TFAP2A: variants seen among roughly 807,000 people sequenced by gnomAD.
TFAP2A encodes transcription factor AP-2 alpha, also known as transcription factor AP-2-alpha.
In TFAP2A, 7 loss-of-function variants were observed where a neutral mutation model predicts 41.5. The observed-to-expected ratio is 0.17, with a 90% CI of 0.10 to 0.32. The LOEUF (loss-of-function observed/expected upper bound fraction) is 0.32, where lower values mean the gene tolerates loss of function less well. Among genes scored for constraint, TFAP2A ranks in the 10% least tolerant of loss-of-function variants. TFAP2A has a pLI of 1.00. For missense variants in TFAP2A, 416 were observed against 563.3 expected (o/e 0.74, Z 2.65); for synonymous variants, 247 against 242.8 (o/e 1.02, Z -0.16).
intron 4 of TFAP2A, among the ~76,000 whole-genome samples, chr6:10,403,363 G>C (rs571248816): frequency 6.4e-4 from 98 of 152,340 alleles, no homozygotes; most frequent in African/African-American, 2.4e-3. Flanking sequence ...ATTGGGGATG[G>C]GGGAAGGGAA....
chr6:10,414,732 A>C (rs1313020399), intron 1 of TFAP2A: 1 of 719,322 alleles, frequency 1.4e-6, no homozygotes, highest in East Asian at 2.7e-5. Flanking sequence ...CGAGCTTCAA[A>C]GTAGGGAAAC....
In TFAP2A at chr6:10,400,595, A is replaced by G. The variant is rs760159014; in HGVS notation, c.890-6T>C. ...GGCTAGGTGGACAGCTTCTCCTGGC[A>G]AGAGGGGAGAGGAGGGAGCCAGTGC... On this transcript the variant is annotated splice_polypyrimidine_tract_variant and splice_region_variant and intron_variant, in intron 5 of 6. Coordinates refer to ENST00000379613, the MANE Select transcript of TFAP2A (RefSeq NM_001372066.1). 26 of 1,614,040 alleles carry G rather than the reference A, an allele frequency of 1.6e-5. No individual in the cohort carries two copies. The highest frequency in any genetic ancestry group is 2.1e-5 in the Non-Finnish European group (25 of 1,180,040).
At chr6:10,401,514 T>C (rs971023531) in intron 5 of TFAP2A, among the ~76,000 whole-genome samples, 1 of 152,340 alleles carries the variant, frequency 6.6e-6, no homozygotes, top group South Asian at 2.1e-4. Flanking sequence ...CCTCCTCAAA[T>C]ATATGGTTTT....
intron 1 of TFAP2A, chr6:10,411,712 AC>A (rs1450090098): frequency 3.2e-6 from 5 of 1,567,744 alleles, no homozygotes; most frequent in Middle Eastern, 4.6e-4. Flanking sequence ...GCCCCGCGCC[AC>A]CCAGGACTCC....
chr6:10,397,795 T>G lies in TFAP2A; in HGVS notation c.*622A>C. 2 of 947,076 alleles carry G rather than the reference T, an allele frequency of 2.1e-6. No homozygotes were observed. The highest frequency in any genetic ancestry group is 2.5e-6 in the Non-Finnish European group (2 of 794,628). 58.7% of individuals were successfully genotyped at this position (947,076 alleles called of 1,614,324 possible). ...ATCGTGTTGCCAGAGAAAGTTCAAG[T>G]TGGTCGCTTTACCTTAAAGAGGAAA... is the stretch of plus-strand genomic sequence containing the variant. On this transcript the variant is annotated 3_prime_UTR_variant, in exon 7 of 7. Transcript: ENST00000379613.
At chr6:10,414,584 C>G in intron 1 of TFAP2A, 1 of 460,840 alleles carries the variant, frequency 2.2e-6, no homozygotes, top group Middle Eastern at 6.2e-4. Context: ...CTTGGGCCCT[C>G]AATCTCGATG....
intron 4 of TFAP2A, 98 bp downstream of exon 4, chr6:10,404,410 G>T: frequency 1.2e-6 from 1 of 824,418 alleles, no homozygotes; most frequent in South Asian, 4.4e-5. Flanking sequence ...GGAGGGCCGC[G>T]GCGCGAGGCC....
At chr6:10,411,980 G>C (rs951312640) in intron 1 of TFAP2A, 2 of 1,087,566 alleles carry the variant, frequency 1.8e-6, no homozygotes, top group African/African-American at 1.7e-5. Context: ...CTTCGCTTGA[G>C]CTTCTAATAA....
chr6:10,418,464 G>A (rs1423442714), upstream of TFAP2A: 1 of 152,302 alleles, frequency 6.6e-6, no homozygotes, highest in South Asian at 2.1e-4. Flanking sequence ...CAGGCCTCTT[G>A]GTTGGGGCGA....
intron 1 of TFAP2A, 28 bp downstream of exon 1, chr6:10,414,912 AC>A: frequency 6.2e-7 from 1 of 1,613,730 alleles, no homozygotes; most frequent in Non-Finnish European, 8.5e-7. Flanking sequence ...CTGTGACCGC[AC>A]GGATGATCGA....
rs1325646732 is a variant in TFAP2A at position 10,410,344 on chromosome 6, G to C, written c.52-9C>G. 2 of 1,606,098 alleles carry C rather than the reference G, an allele frequency of 1.2e-6. No homozygotes were observed. The highest frequency in any genetic ancestry group is 1.7e-5 in the Admixed American group (1 of 58,654). On this transcript the variant is annotated splice_polypyrimidine_tract_variant and intron_variant, in intron 1 of 6. Coordinates refer to ENST00000379613, the MANE Select transcript of TFAP2A (RefSeq NM_001372066.1). Reference sequence around the variant, plus strand: ...GTGCCGTCGTGACGGTCCTAGAAGAGAGCGAGAGGAAAGGTAAAGAACAAG... The same window carrying C: ...GTGCCGTCGTGACGGTCCTAGAAGACAGCGAGAGGAAAGGTAAAGAACAAG...
chr6:10,414,869 G>C, intron 1 of TFAP2A, 72 bp downstream of exon 1: 1 of 1,582,922 alleles, frequency 6.3e-7, no homozygotes, highest in Non-Finnish European at 8.7e-7. Flanking sequence ...GTTGCAAGGA[G>C]AGGAGGAGGA....
chr6:10,400,349 A>G, intron 6 of TFAP2A, 99 bp downstream of exon 6: 1 of 1,490,616 alleles, frequency 6.7e-7, no homozygotes. Flanking sequence ...GCTGATTAAC[A>G]CAAAAGGAAA....
chr6:10,406,859 T>A lies in TFAP2A; in HGVS notation c.487-15A>T, dbSNP rs1229505544. On this transcript the variant is annotated splice_polypyrimidine_tract_variant and intron_variant, in intron 2 of 6. Coordinates refer to ENST00000379613, the MANE Select transcript of TFAP2A (RefSeq NM_001372066.1). ...TCTTCTACATGCTGCAACAAAAGGATACACATGGATGTAAGTGTATCATCA... is the reference window on the plus strand; with the variant it reads ...TCTTCTACATGCTGCAACAAAAGGAAACACATGGATGTAAGTGTATCATCA... The A allele has an allele frequency of 6.2e-7, 1 of 1,601,686 alleles. No homozygotes were observed. The highest frequency in any genetic ancestry group is 1.1e-5 in the South Asian group (1 of 90,854).
In TFAP2A at chr6:10,401,891, A is replaced by G. The variant is rs1762020910; in HGVS notation, c.889+601T>C. ...TGTTTTGAGGCATTTGGAAGGGTGT[A>G]TGTATGTTTAAAGCTACCAGGAGAA... On this transcript the variant is annotated intron_variant, in intron 5 of 6. Coordinates refer to ENST00000379613, the MANE Select transcript of TFAP2A (RefSeq NM_001372066.1). The G allele has an allele frequency of 1.4e-5, 3 of 212,718 alleles. No homozygotes were observed. In the South Asian group the frequency reaches 2.3e-4, roughly 16 times the overall value. 13.2% of individuals were successfully genotyped at this position (212,718 alleles called of 1,614,324 possible).
chr6:10,399,359 T>G (rs1761917863), intron 6 of TFAP2A, among the ~76,000 whole-genome samples: 1 of 152,228 alleles, frequency 6.6e-6, no homozygotes, highest in African/African-American at 2.4e-5. Context: ...AAACAGACAT[T>G]TCGATTTCCC....
chr6:10,413,056 C>G (rs973752347), intron 1 of TFAP2A, among the ~76,000 whole-genome samples: 6 of 152,186 alleles, frequency 3.9e-5, no homozygotes, highest in African/African-American at 1.4e-4. Context: ...CTGACGCCCC[C>G]CCAGATGACA....
rs1456044231 is a variant in TFAP2A at position 10,397,683 on chromosome 6, G to A, written c.*734C>T. 3 of 221,812 alleles carry A rather than the reference G, an allele frequency of 1.4e-5. No individual in the cohort carries two copies. Among genetic ancestry groups the A allele is most frequent in the African/African-American group, 2.4e-5 (1 of 42,194 alleles). 13.7% of individuals were successfully genotyped at this position (221,812 alleles called of 1,614,324 possible). A position where few individuals can be genotyped will look rare whatever the true frequency, so the allele number is the denominator to read the frequency against. ...AATAAAAAAAAAAAGGCTTAAAACA[G>A]ACTCACCATATTTACAATTCCCATT... On this transcript the variant is annotated 3_prime_UTR_variant, in exon 7 of 7. Transcript: ENST00000379613.
rs926067373 is a variant in TFAP2A at position 10,397,466 on chromosome 6, A to G, written c.*951T>C. The G allele has an allele frequency of 3.9e-5, 6 of 152,090 alleles. No individual in the cohort carries two copies. The highest frequency in any genetic ancestry group is 8.8e-5 in the Non-Finnish European group (6 of 68,010). The allele number at this position is 152,090 out of a possible 1,614,324, so 9.4% of individuals were successfully genotyped here. ...TGTAATAATACTAATTATAGATAAAATTTTATTTTACTTTTTAAAAATTTG... is the reference window on the plus strand; with the variant it reads ...TGTAATAATACTAATTATAGATAAAGTTTTATTTTACTTTTTAAAAATTTG... On this transcript the variant is annotated 3_prime_UTR_variant, in exon 7 of 7. Transcript: ENST00000379613.
Sources: gnomAD v4.1 joint callset for allele counts (sites outside exome capture counted in the v4.1 genomes callset) on GRCh38, gnomAD v4.1.1 for gene constraint, MANE v1.5 for transcripts, NCBI Gene and HGNC (gene_info 2026-07-23, HGNC 2026-07-21) for gene names.